YEATS2: variants seen among roughly 807,000 people sequenced by gnomAD.
The protein encoded by YEATS2 is YEATS domain-containing protein 2.
In YEATS2, 77 loss-of-function variants were observed where a neutral mutation model predicts 163.2. The observed-to-expected ratio is 0.47, with a 90% CI of 0.39 to 0.57. The LOEUF is 0.57. YEATS2 is among the 20% of genes least tolerant of loss of function. The pLI, the probability that YEATS2 is intolerant of heterozygous loss-of-function variation, is 0.00. For synonymous variants in YEATS2, 631 were observed against 645.1 expected (o/e 0.98, Z 0.33); for missense variants, 1,549 against 1,729.8 (o/e 0.90, Z 1.85).
chr3:183,802,637 T>A (rs571556326), intron 25 of YEATS2: 2 of 151,672 alleles, frequency 1.3e-5, no homozygotes, highest in African/African-American at 4.8e-5. Flanking sequence ...AGTTTATAGA[T>A]GAGAAAACCG....
At chr3:183,738,182 C>T (rs1718549813) in intron 8 of YEATS2, among the ~76,000 whole-genome samples, 1 of 151,758 alleles carries the variant, frequency 6.6e-6, no homozygotes. Flanking sequence ...TTCCTATCCT[C>T]TGAGAACAAC....
chr3:183,714,834 T>C (rs764057844), intron 1 of YEATS2, among the ~76,000 whole-genome samples: 14 of 152,276 alleles, frequency 9.2e-5, no homozygotes, highest in Non-Finnish European at 1.6e-4. Flanking sequence ...TTTTGAAAAG[T>C]CTGAACAATG....
At chr3:183,798,820 TG>T in intron 22 of YEATS2, 70 bp from the exon 23 acceptor site, 1 of 1,229,632 alleles carries the variant, frequency 8.1e-7, no homozygotes, top group Non-Finnish European at 1.2e-6. Context: ...GGTTGTCACC[TG>T]GAAGTAGATC....
At chr3:183,709,922 C>T (rs945921994) in intron 1 of YEATS2, among the ~76,000 whole-genome samples, 4 of 151,962 alleles carry the variant, frequency 2.6e-5, no homozygotes, top group Non-Finnish European at 4.4e-5. Flanking sequence ...CCTTGTGATC[C>T]GCCCACCTCG....
At chr3:183,785,213 G>A (rs1010368127) in intron 19 of YEATS2, among the ~76,000 whole-genome samples, 1 of 151,556 alleles carries the variant, frequency 6.6e-6, no homozygotes, top group Middle Eastern at 3.2e-3. Flanking sequence ...TTGGCCGGGT[G>A]CGGTGGCTTC....
intron 25 of YEATS2, 89 bp from the exon 26 acceptor site, chr3:183,803,167 G>C (rs1725852106): frequency 7.2e-7 from 1 of 1,391,954 alleles, no homozygotes; most frequent in African/African-American, 1.4e-5. Flanking sequence ...AAAGAGGTCT[G>C]AAGAAGTGAC....
chr3:183,743,231 A>C (rs1719162082), intron 8 of YEATS2, among the ~76,000 whole-genome samples: 1 of 152,236 alleles, frequency 6.6e-6, no homozygotes, highest in African/African-American at 2.4e-5. Flanking sequence ...AAAACAAAAG[A>C]AATATACCAA....
intron 25 of YEATS2, 50 bp from the exon 26 acceptor site, chr3:183,803,202 GTGGT>G: frequency 3.2e-6 from 5 of 1,578,982 alleles, no homozygotes; most frequent in Non-Finnish European, 2.6e-6. Context: ...CAAATGACGT[GTGGT>G]TGGAATCGTA....
At chr3:183,803,760 A>G in intron 26 of YEATS2, 2 of 556,410 alleles carry the variant, frequency 3.6e-6, no homozygotes, top group Non-Finnish European at 6.3e-6. Flanking sequence ...GGTGGAGACC[A>G]GGTGAAGATC....
intron 15 of YEATS2, among the ~76,000 whole-genome samples, chr3:183,770,159 C>T (rs566230621): frequency 6.6e-6 from 1 of 151,496 alleles, no homozygotes; most frequent in Non-Finnish European, 1.5e-5. Flanking sequence ...GAGGCCGAGG[C>T]GGGCGGATCA....
At chr3:183,717,806 A>T in intron 3 of YEATS2, 58 bp downstream of exon 3, 2 of 1,012,468 alleles carry the variant, frequency 2.0e-6, no homozygotes, top group Non-Finnish European at 2.7e-6. Context: ...TGTATACATG[A>T]TTGAAAAATA....
At chr3:183,714,383 A>C (rs1715604160) in intron 1 of YEATS2, among the ~76,000 whole-genome samples, 1 of 150,348 alleles carries the variant, frequency 6.7e-6, no homozygotes, top group Non-Finnish European at 1.5e-5. Context: ...TTTTTAGTAG[A>C]GACGGGTTTT....
At chr3:183,753,506 G>A (rs1720399932) in intron 10 of YEATS2, among the ~76,000 whole-genome samples, 1 of 152,158 alleles carries the variant, frequency 6.6e-6, no homozygotes. Flanking sequence ...CCAGCCTTTT[G>A]GGAGGCTGAA....
intron 9 of YEATS2, among the ~76,000 whole-genome samples, chr3:183,748,628 G>T (rs1719823620): frequency 6.7e-6 from 1 of 150,260 alleles, no homozygotes; most frequent in Non-Finnish European, 1.5e-5. Context: ...ATTGAGACAG[G>T]GTCTTACTCT....
chr3:183,712,428 C>T (rs1039994430), intron 1 of YEATS2, among the ~76,000 whole-genome samples: 1 of 151,714 alleles, frequency 6.6e-6, no homozygotes, highest in African/African-American at 2.4e-5. Flanking sequence ...CCAGCCTGGT[C>T]TTGAACTCCT....
At chr3:183,722,360 C>T (rs1716608142) in intron 5 of YEATS2, among the ~76,000 whole-genome samples, 1 of 140,448 alleles carries the variant, frequency 7.1e-6, no homozygotes, top group African/African-American at 2.8e-5. Flanking sequence ...AGGATCATGG[C>T]TCACTGCAAC....
chr3:183,701,077 ATATAT>A (rs1714035055), intron 1 of YEATS2, among the ~76,000 whole-genome samples: 1 of 150,392 alleles, frequency 6.6e-6, no homozygotes, highest in Non-Finnish European at 1.5e-5. Context: ...GTGTGTATAT[ATATAT>A]AAATTTTTTT....
At chr3:183,800,357 A>C (rs530478743) in intron 23 of YEATS2, 109 bp from the exon 24 acceptor site, 1 of 714,804 alleles carries the variant, frequency 1.4e-6, no homozygotes, top group South Asian at 1.8e-5. Context: ...CAACAGCTGG[A>C]GTGGCAGTTT....
chr3:183,723,226 G>T (rs1407365162), intron 5 of YEATS2, among the ~76,000 whole-genome samples: 1 of 152,164 alleles, frequency 6.6e-6, no homozygotes, highest in African/African-American at 2.4e-5. Flanking sequence ...CTTTGATCAT[G>T]CCAGTTTGTA....
Sources: gnomAD v4.1 joint callset for allele counts (sites outside exome capture counted in the v4.1 genomes callset) on GRCh38, gnomAD v4.1.1 for gene constraint, MANE v1.5 for transcripts, NCBI Gene and HGNC (gene_info 2026-07-23, HGNC 2026-07-21) for gene names.